RNF212B: variants seen among roughly 807,000 people sequenced by gnomAD.
RNF212B encodes the protein E3 ubiquitin-protein ligase RNF212B.
RNF212B carries 52 observed loss-of-function variants against 55.5 expected under a neutral mutation model. The ratio of observed to expected loss-of-function variants is 0.94; its 90% confidence interval spans 0.75 to 1.18. The LOEUF (loss-of-function observed/expected upper bound fraction) is 1.18, where lower values mean the gene tolerates loss of function less well. Ranked by LOEUF, RNF212B falls within the 50% of genes most tolerant of loss-of-function variation. RNF212B has a pLI of 0.00. For missense variants in RNF212B, 289 were observed against 350.4 expected, an observed-to-expected ratio of 0.82 and a Z score of 1.40; for synonymous variants, 99 against 121.4, an observed-to-expected ratio of 0.82 and a Z score of 1.21.
intron 1 of RNF212B, among the ~76,000 whole-genome samples, chr14:23,239,073 C>CT (rs958869409): frequency 3.9e-5 from 6 of 151,966 alleles, no homozygotes; most frequent in South Asian, 2.1e-4. Flanking sequence ...TTCTGAGTTT[C>CT]TTTTTTTTCA....
upstream of RNF212B, among the ~76,000 whole-genome samples, chr14:23,235,898 A>C (rs1883059026): frequency 1.3e-5 from 2 of 152,228 alleles, no homozygotes; most frequent in South Asian, 2.1e-4. Context: ...AAGTTCATTG[A>C]TATGGTTCAG....
intron 2 of RNF212B, among the ~76,000 whole-genome samples, chr14:23,228,103 G>A (rs1882201913): frequency 6.6e-6 from 1 of 151,846 alleles, no homozygotes; most frequent in Non-Finnish European, 1.5e-5. Flanking sequence ...GGTGGCACAT[G>A]CCTGTAATCC....
At chr14:23,219,385 A>C (rs1297360155) in intron 2 of RNF212B, among the ~76,000 whole-genome samples, 1 of 152,216 alleles carries the variant, frequency 6.6e-6, no homozygotes, top group African/African-American at 2.4e-5. Flanking sequence ...TTTAAGACAA[A>C]GACAGTGCAA....
chr14:23,227,633 G>A lies in RNF212B; in HGVS notation c.-1-12712G>A, dbSNP rs115328395. On this transcript the variant is annotated intron_variant, in intron 2 of 15. Coordinates refer to the RNF212B transcript ENST00000399910. ...TTTGTTTGTTTTGAGACTAGTTCTC[G>A]CCCTGTCACCCAGGCTGGAGGCAGT... 9.0e-3 allele frequency among the ~76,000 whole-genome samples: 1,366 copies of A among 151,912 alleles called. 16 individuals are homozygous for A. Among genetic ancestry groups the A allele is most frequent in the African/African-American group, 0.031 (1,275 of 41,424 alleles).
At chr14:23,186,346 A>T (rs1203172254) in intron 1 of RNF212B, among the ~76,000 whole-genome samples, 3 of 146,416 alleles carry the variant, frequency 2.0e-5, no homozygotes, top group East Asian at 4.0e-4. Context: ...AATTTTGAGC[A>T]TTTTTTTTTT....
chr14:23,225,226 C>T (rs188386774), intron 2 of RNF212B, among the ~76,000 whole-genome samples: 2 of 152,266 alleles, frequency 1.3e-5, no homozygotes, highest in Admixed American at 1.3e-4. Flanking sequence ...ATTAGTACAG[C>T]CACTGTGGAG....
Position 23,269,911 on chromosome 14 carries a change from C to A in RNF212B, c.723C>A (p.Ser241=). ...SGQGIFSFRP[S]PNGHSGHTRV... is the part of the protein sequence containing the mutation. ...AGGGGATTTTTTCTTTCAGACCATC[C>A]CCAAATGGGCATTCAGGCCACACAA... Residue 241 remains serine (S), a synonymous_variant, in exon 13 of 15, where the codon TCC becomes TCA. Coordinates refer to ENST00000430154, the MANE Select transcript of RNF212B (RefSeq NM_001282322.3). 6.5e-7 allele frequency: 1 copy of A among 1,549,780 alleles called. No individual in the cohort carries two copies.
At chr14:23,223,383 T>G (rs1159061405) in intron 2 of RNF212B, among the ~76,000 whole-genome samples, 1 of 150,322 alleles carries the variant, frequency 6.7e-6, no homozygotes, top group Non-Finnish European at 1.5e-5. Context: ...TGAGATGGAG[T>G]CTTGCTCTGT....
At chr14:23,269,741 G>C in intron 12 of RNF212B, 122 bp from the exon 13 acceptor site, 1 of 613,546 alleles carries the variant, frequency 1.6e-6, no homozygotes, top group Non-Finnish European at 2.9e-6. Flanking sequence ...ATTATCATCA[G>C]TTGCAAGCAG....
intron 12 of RNF212B, 124 bp from the exon 13 acceptor site, chr14:23,269,739 C>T: frequency 1.7e-6 from 1 of 602,668 alleles, no homozygotes; most frequent in Non-Finnish European, 2.9e-6. Flanking sequence ...AAATTATCAT[C>T]AGTTGCAAGC....
chr14:23,251,060 T>G (rs1736259168), intron 4 of RNF212B, among the ~76,000 whole-genome samples: 1 of 152,198 alleles, frequency 6.6e-6, no homozygotes, highest in Non-Finnish European at 1.5e-5. Context: ...ATATTTTCCT[T>G]TGACACTACT....
upstream of RNF212B, among the ~76,000 whole-genome samples, chr14:23,236,271 T>C (rs1566417950): frequency 6.6e-6 from 1 of 152,160 alleles, no homozygotes; most frequent in Non-Finnish European, 1.5e-5. Context: ...ATCCCAGCAC[T>C]TTGGGAGACC....
At chr14:23,267,681 G>A (rs1321408672) in intron 11 of RNF212B, among the ~76,000 whole-genome samples, 2 of 151,986 alleles carry the variant, frequency 1.3e-5, no homozygotes, top group African/African-American at 4.8e-5. Flanking sequence ...TGCCTGCCTC[G>A]GCCTCCCAAA....
At chr14:23,255,150 C>A (rs1020849765) in intron 4 of RNF212B, among the ~76,000 whole-genome samples, 8 of 152,168 alleles carry the variant, frequency 5.3e-5, no homozygotes, top group South Asian at 2.1e-4. Context: ...AACTTTGAAC[C>A]AACCTATGCA....
At chr14:23,249,468 C>T (rs1472120636) in intron 4 of RNF212B, among the ~76,000 whole-genome samples, 3 of 152,124 alleles carry the variant, frequency 2.0e-5, no homozygotes, top group Non-Finnish European at 4.4e-5. Context: ...TTGCTTGATC[C>T]CAAGAGGTTG....
chr14:23,259,746 A>C, intron 5 of RNF212B, 138 bp from the exon 6 acceptor site: 1 of 461,376 alleles, frequency 2.2e-6, no homozygotes, highest in South Asian at 4.9e-5. Context: ...TGAATCATCA[A>C]ATCCCTGATA....
upstream of RNF212B, among the ~76,000 whole-genome samples, chr14:23,237,799 C>G (rs1446533743): frequency 1.3e-5 from 2 of 152,194 alleles, no homozygotes; most frequent in Non-Finnish European, 2.9e-5. Flanking sequence ...CTCCCGCCAC[C>G]GCGAGCCGCT....
upstream of RNF212B, among the ~76,000 whole-genome samples, chr14:23,237,291 G>A (rs1182834204): frequency 6.6e-6 from 1 of 152,014 alleles, no homozygotes. Flanking sequence ...CGCCACACTC[G>A]GCTAATTTTT....
intron 2 of RNF212B, among the ~76,000 whole-genome samples, chr14:23,208,859 C>T (rs976794413): frequency 4.2e-5 from 6 of 141,844 alleles, no homozygotes; most frequent in African/African-American, 7.8e-5. Context: ...CCCAGGTTCA[C>T]GCCATTCTCC....
Sources: gnomAD v4.1 joint callset for allele counts (sites outside exome capture counted in the v4.1 genomes callset) on GRCh38, gnomAD v4.1.1 for gene constraint, MANE v1.5 for transcripts, NCBI Gene and HGNC (gene_info 2026-07-23, HGNC 2026-07-21) for gene names.